Variants in RBFOX1 observed in about 807,000 individuals in gnomAD.
RBFOX1 encodes the protein RNA binding fox-1 homolog 1, also known as RNA binding protein fox-1 homolog 1.
RBFOX1 carries 8 observed loss-of-function variants against 57.7 expected under a neutral mutation model. That is an observed-to-expected ratio of 0.14 (90% CI 0.08 to 0.25). RBFOX1 has a LOEUF of 0.25. Ranked by LOEUF, RBFOX1 falls within the 10% of genes least tolerant of loss-of-function variation. The probability of loss-of-function intolerance (pLI) is 1.00; values close to 1 mark genes in which losing one functional copy is unlikely to be tolerated. For synonymous variants in RBFOX1, 326 were observed against 222.4 expected (o/e 1.47, Z -4.15); for missense variants, 611 against 548.5 (o/e 1.11, Z -1.14).
chr16:6,559,658 C>A (rs752197547), intron 2 of RBFOX1, among the ~76,000 whole-genome samples: 11 of 151,548 alleles, frequency 7.3e-5, no homozygotes, highest in Non-Finnish European at 5.9e-5. Context: ...GAATATATAC[C>A]CACACACACA....
intron 1 of RBFOX1, among the ~76,000 whole-genome samples, chr16:6,286,114 A>C (rs1366163947): frequency 6.6e-6 from 1 of 152,164 alleles, no homozygotes; most frequent in Non-Finnish European, 1.5e-5. Context: ...ATGCTGAAAT[A>C]TGTTTCAAAG....
intron 1 of RBFOX1, among the ~76,000 whole-genome samples, chr16:6,079,569 C>T (rs540437802): frequency 3.8e-4 from 58 of 152,188 alleles, no homozygotes; most frequent in African/African-American, 1.2e-3. Flanking sequence ...ACTGATCCAC[C>T]AGCCTCCCAA....
At chr16:6,714,734 A>G (rs1202092793) in intron 3 of RBFOX1, among the ~76,000 whole-genome samples, 1 of 152,078 alleles carries the variant, frequency 6.6e-6, no homozygotes, top group Non-Finnish European at 1.5e-5. Flanking sequence ...AAGGTGTTGC[A>G]TCTACACAGC....
chr16:7,248,747 T>A (rs1347636248), intron 4 of RBFOX1, among the ~76,000 whole-genome samples: 1 of 152,214 alleles, frequency 6.6e-6, no homozygotes, highest in Non-Finnish European at 1.5e-5. Flanking sequence ...ATTAGCATTA[T>A]CATTAATTGA....
At chr16:6,023,599 G>A (rs535964412) in intron 1 of RBFOX1, among the ~76,000 whole-genome samples, 177 of 152,292 alleles carry the variant, frequency 1.2e-3, no homozygotes, top group African/African-American at 4.2e-3. Context: ...GAGACGCAGC[G>A]ATTTCCCAGT....
At chr16:6,116,561 A>T (rs1037724824) in intron 1 of RBFOX1, among the ~76,000 whole-genome samples, 1 of 152,212 alleles carries the variant, frequency 6.6e-6, no homozygotes, top group East Asian at 1.9e-4. Context: ...CTGCTTGGAG[A>T]TGAAGCCAGT....
intron 2 of RBFOX1, among the ~76,000 whole-genome samples, chr16:6,387,392 A>G (rs139437673): frequency 1.3e-5 from 2 of 150,692 alleles, no homozygotes; most frequent in East Asian, 2.0e-4. Flanking sequence ...CTTGACTTCT[A>G]TTTACACTCC....
At chr16:6,180,635 G>T (rs943946057) in intron 1 of RBFOX1, among the ~76,000 whole-genome samples, 2 of 150,748 alleles carry the variant, frequency 1.3e-5, no homozygotes, top group Admixed American at 1.3e-4. Flanking sequence ...TTACGATCTC[G>T]GCTCACTGCA....
At chr16:5,846,046 G>A (rs950818852) in intron 3 of RBFOX1, among the ~76,000 whole-genome samples, 1 of 152,094 alleles carries the variant, frequency 6.6e-6, no homozygotes, top group African/African-American at 2.4e-5. Flanking sequence ...GGAGGTGGGT[G>A]CCTGTAATCC....
chr16:6,524,067 C>T (rs1434246656), intron 2 of RBFOX1, among the ~76,000 whole-genome samples: 1 of 152,162 alleles, frequency 6.6e-6, no homozygotes, highest in Non-Finnish European at 1.5e-5. Flanking sequence ...TATAGTCACC[C>T]TGTTGTGCTA....
chr16:6,503,225 G>T (rs370193489), intron 2 of RBFOX1, among the ~76,000 whole-genome samples: 1 of 151,762 alleles, frequency 6.6e-6, no homozygotes, highest in Non-Finnish European at 1.5e-5. Context: ...TAAAAATAAC[G>T]TTAAAATAAA....
At chr16:6,564,762 C>T (rs866185794) in intron 2 of RBFOX1, among the ~76,000 whole-genome samples, 4 of 152,190 alleles carry the variant, frequency 2.6e-5, no homozygotes, top group African/African-American at 7.2e-5. Flanking sequence ...TATTTGATTG[C>T]GGTAATCATT....
chr16:6,183,273 G>A (rs2097079143), intron 1 of RBFOX1, among the ~76,000 whole-genome samples: 1 of 151,970 alleles, frequency 6.6e-6, no homozygotes, highest in Non-Finnish European at 1.5e-5. Flanking sequence ...GAGGTCAGGA[G>A]ATCGAGACCA....
intron 4 of RBFOX1, among the ~76,000 whole-genome samples, chr16:5,884,229 G>C (rs940091555): frequency 6.6e-6 from 1 of 152,144 alleles, no homozygotes; most frequent in Non-Finnish European, 1.5e-5. Context: ...CTCCCCCATA[G>C]AGAACCTTCC....
chr16:7,146,495 T>C (rs989966871), intron 4 of RBFOX1, among the ~76,000 whole-genome samples: 1 of 152,196 alleles, frequency 6.6e-6, no homozygotes, highest in Non-Finnish European at 1.5e-5. Context: ...AGCTTTCTGA[T>C]ACTAGAGAGA....
At chr16:5,697,707 TA>T (rs58725339) in intron 3 of RBFOX1, among the ~76,000 whole-genome samples, 151,988 of 151,992 alleles carry the variant, frequency 1, 75,992 homozygotes, top group Middle Eastern at 1. Context: ...CTAATTTTTG[TA>T]TTTTTAGTAG....
At chr16:5,569,476 T>A (rs1555467699) in intron 2 of RBFOX1, among the ~76,000 whole-genome samples, 1 of 144,592 alleles carries the variant, frequency 6.9e-6, no homozygotes, top group Admixed American at 7.2e-5. Context: ...TTCTTCTTCT[T>A]TTTGGAGTAC....
intron 3 of RBFOX1, among the ~76,000 whole-genome samples, chr16:6,808,735 T>G (rs1307425571): frequency 2.0e-5 from 3 of 152,208 alleles, no homozygotes; most frequent in Non-Finnish European, 4.4e-5. Flanking sequence ...TGTTCTTTTC[T>G]CCACAGACAA....
intron 4 of RBFOX1, among the ~76,000 whole-genome samples, chr16:7,487,828 C>G (rs2065831166): frequency 6.6e-6 from 1 of 152,060 alleles, no homozygotes; most frequent in Non-Finnish European, 1.5e-5. Context: ...TTGGAGAGGT[C>G]TTGGGTAGAA....
Sources: allele counts gnomAD v4.1 joint callset (sites outside exome capture counted in the v4.1 genomes callset), GRCh38; gene constraint gnomAD v4.1.1; transcripts MANE v1.5; gene names NCBI Gene and HGNC (gene_info 2026-07-23, HGNC 2026-07-21).